The following SYNPR variants were observed in gnomAD, a reference collection of about 807,000 sequenced individuals.
The protein encoded by SYNPR is synaptoporin.
SYNPR carries 23 observed loss-of-function variants against 32.9 expected under a neutral mutation model. The ratio of observed to expected loss-of-function variants is 0.70; its 90% confidence interval spans 0.50 to 0.99. The LOEUF is 0.99. SYNPR is among the 50% of genes least tolerant of loss of function. The probability of loss-of-function intolerance (pLI) is 0.00; values close to 1 mark genes in which losing one functional copy is unlikely to be tolerated. For synonymous variants in SYNPR, 146 were observed against 135.9 expected (o/e 1.07, Z -0.52); for missense variants, 318 against 349.3 (o/e 0.91, Z 0.71).
intron 3 of SYNPR, among the ~76,000 whole-genome samples, chr3:63,533,646 G>A (rs1470662942): frequency 2.0e-5 from 3 of 152,084 alleles, no homozygotes; most frequent in South Asian, 2.1e-4. Flanking sequence ...GAAACAAAGC[G>A]GCTCAAGGCA....
chr3:63,297,695 A>G (rs1451691140), intron 2 of SYNPR, among the ~76,000 whole-genome samples: 1 of 152,142 alleles, frequency 6.6e-6, no homozygotes, highest in East Asian at 1.9e-4. Context: ...TACCTCCTCA[A>G]GCACTCAAAG....
chr3:63,522,198 A>G (rs763226704), intron 3 of SYNPR, among the ~76,000 whole-genome samples: 5 of 152,218 alleles, frequency 3.3e-5, no homozygotes, highest in Non-Finnish European at 7.3e-5. Context: ...GGTTGTTATC[A>G]ATTGCTCTCA....
intron 2 of SYNPR, among the ~76,000 whole-genome samples, chr3:63,319,439 C>T (rs772516977): frequency 7.2e-5 from 11 of 151,932 alleles, no homozygotes; most frequent in Non-Finnish European, 1.3e-4. Flanking sequence ...ACAAAATCAA[C>T]TTACAAAAGT....
intron 2 of SYNPR, among the ~76,000 whole-genome samples, chr3:63,460,856 G>C (rs1421354408): frequency 6.6e-6 from 1 of 152,086 alleles, no homozygotes; most frequent in African/African-American, 2.4e-5. Context: ...GGCAAGGCTG[G>C]AGGCAGGTAC....
At chr3:63,345,971 T>A (rs1398112625) in intron 2 of SYNPR, among the ~76,000 whole-genome samples, 1 of 152,022 alleles carries the variant, frequency 6.6e-6, no homozygotes, top group Admixed American at 6.6e-5. Flanking sequence ...TGCGCCACCA[T>A]GTCTGGCTAA....
chr3:63,406,292 G>C (rs1431237232), intron 2 of SYNPR, among the ~76,000 whole-genome samples: 1 of 151,604 alleles, frequency 6.6e-6, no homozygotes, highest in African/African-American at 2.4e-5. Flanking sequence ...TTTTGTTGTA[G>C]AAAAAAACAT....
chr3:63,374,887 T>C (rs1020246212), intron 2 of SYNPR, among the ~76,000 whole-genome samples: 1 of 152,210 alleles, frequency 6.6e-6, no homozygotes, highest in Admixed American at 6.5e-5. Flanking sequence ...AAAGATCAGA[T>C]GGTTGTAGAT....
At position 63,397,468 on chromosome 3, in the gene SYNPR, T is replaced by C. The variant is rs184023296; in HGVS notation, c.85-83364T>C. On this transcript the variant is annotated intron_variant, in intron 2 of 5. Transcript: ENST00000478300. ...TCCCTTTCACTTATTCCCTTACTTC[T>C]TTTTTTCTCCCTAATTCCTCCTGCA... 1.6e-3 allele frequency among the ~76,000 whole-genome samples: 246 copies of C among 152,248 alleles called. 4 individuals are homozygous for C. The highest frequency in any genetic ancestry group is 0.01 in the Middle Eastern group (3 of 294).
intron 2 of SYNPR, among the ~76,000 whole-genome samples, chr3:63,349,353 G>C (rs776503303): frequency 2.0e-5 from 3 of 152,102 alleles, no homozygotes; most frequent in Non-Finnish European, 4.4e-5. Context: ...GCCCACCTCG[G>C]CCTCCCAAAG....
At chr3:63,325,076 C>A (rs1560192672) in intron 2 of SYNPR, among the ~76,000 whole-genome samples, 1 of 152,050 alleles carries the variant, frequency 6.6e-6, no homozygotes, top group African/African-American at 2.4e-5. Flanking sequence ...ATCTGGTGAG[C>A]CTTCTGCATT....
At chr3:63,205,930 G>GT in the SYNPR span, among the ~76,000 whole-genome samples, 10 of 152,092 alleles carry the variant, frequency 6.6e-5, no homozygotes, top group Non-Finnish European at 1.2e-4. Context: ...TACTGAAGAA[G>GT]TTTTTTTTCC....
chr3:63,365,115 C>T (rs369172776), intron 2 of SYNPR, among the ~76,000 whole-genome samples: 2 of 152,108 alleles, frequency 1.3e-5, no homozygotes, highest in East Asian at 3.9e-4. Context: ...CTGCAGGGTA[C>T]ACACATACCA....
intron 3 of SYNPR, among the ~76,000 whole-genome samples, chr3:63,482,755 A>G (rs1293708565): frequency 6.6e-6 from 1 of 152,136 alleles, no homozygotes; most frequent in Non-Finnish European, 1.5e-5. Context: ...AAACAGCTTA[A>G]TTTACTAGGG....
chr3:63,203,122 G>C, the SYNPR span: 1 of 133,698 alleles, frequency 7.5e-6, no homozygotes, highest in Non-Finnish European at 1.6e-5. Flanking sequence ...TAAGTCTTGG[G>C]TGAGTTTTTA....
chr3:63,337,352 C>T lies in SYNPR; in HGVS notation c.84+58610C>T, dbSNP rs547704903. Among the ~76,000 whole-genome samples, 6 of 149,106 alleles carry T rather than the reference C, an allele frequency of 4.0e-5. No homozygotes were observed. In the South Asian group the frequency reaches 1.3e-3, roughly 32 times the overall value. Reference sequence around the variant, plus strand: ...CTATTAGAATGGTTAAAATGCAAAACACTAACAATGCCAAATGCTGGTGAG... The same window carrying T: ...CTATTAGAATGGTTAAAATGCAAAATACTAACAATGCCAAATGCTGGTGAG... On this transcript the variant is annotated intron_variant, in intron 2 of 5. Coordinates refer to ENST00000478300, the MANE Select transcript of SYNPR (RefSeq NM_001130003.2).
intron 2 of SYNPR, among the ~76,000 whole-genome samples, chr3:63,312,082 A>T (rs768440419): frequency 1.8e-4 from 28 of 152,016 alleles, no homozygotes; most frequent in Non-Finnish European, 3.4e-4. Flanking sequence ...ACAAATTCTA[A>T]TGTGCAAAAA....
At chr3:63,541,559 A>C (rs1702304141) in intron 3 of SYNPR, among the ~76,000 whole-genome samples, 1 of 152,088 alleles carries the variant, frequency 6.6e-6, no homozygotes, top group Non-Finnish European at 1.5e-5. Context: ...ATCTTAACTT[A>C]GGGTGAATTT....
chr3:63,376,268 T>C (rs77132674), intron 2 of SYNPR, among the ~76,000 whole-genome samples: 4,667 of 152,338 alleles, frequency 0.031, 257 homozygotes, highest in African/African-American at 0.11. Flanking sequence ...ATCTGTTCTC[T>C]ACACATATGC....
chr3:63,376,116 C>T (rs149934224), intron 2 of SYNPR, among the ~76,000 whole-genome samples: 123 of 152,300 alleles, frequency 8.1e-4, no homozygotes, highest in Middle Eastern at 3.4e-3. Flanking sequence ...TGAAATCCAT[C>T]TATTTCTCTG....
Sources: gnomAD v4.1 joint callset for allele counts (sites outside exome capture counted in the v4.1 genomes callset) on GRCh38, gnomAD v4.1.1 for gene constraint, MANE v1.5 for transcripts, NCBI Gene and HGNC (gene_info 2026-07-23, HGNC 2026-07-21) for gene names.